The following MANBA variants were observed in gnomAD, a reference collection of about 807,000 sequenced individuals.
MANBA encodes the protein beta-mannosidase.
Under a neutral mutation model 111.1 loss-of-function variants are expected in MANBA, and 83 were observed. The ratio of observed to expected loss-of-function variants is 0.75; its 90% CI spans 0.63 to 0.90. The LOEUF is 0.90. MANBA is among the 40% of genes least tolerant of loss of function. The pLI, the probability that MANBA is intolerant of heterozygous loss-of-function variation, is 0.00. For synonymous variants in MANBA, 370 were observed against 378.7 expected (o/e 0.98, Z 0.27); for missense variants, 1,036 against 1,069.0 (o/e 0.97, Z 0.43).
At chr4:102,754,616 G>A (rs1723936759) in intron 1 of MANBA, among the ~76,000 whole-genome samples, 1 of 151,726 alleles carries the variant, frequency 6.6e-6, no homozygotes, top group Non-Finnish European at 1.5e-5. Flanking sequence ...GAGTGCAGTG[G>A]CGTGATCTTG....
rs374780227 is a variant in MANBA at position 102,652,677 on chromosome 4, G to A, written c.1705-1976C>T. The stretch of plus-strand genomic sequence containing the variant: ...AGGCTGAGGTGGGAGGATTGCTTGA[G>A]CCCAGGAGTTCAAGACCAGCCTGGA... On this transcript the variant is annotated intron_variant, in intron 12 of 16. Transcript: ENST00000647097. 3.9e-5 allele frequency among the ~76,000 whole-genome samples: 6 copies of A among 152,128 alleles called. No individual in the cohort carries two copies. The South Asian group carries it at 6.2e-4, about 16-fold the overall frequency.
chr4:102,725,940 A>T (rs1158018281), intron 2 of MANBA, among the ~76,000 whole-genome samples: 1 of 152,198 alleles, frequency 6.6e-6, no homozygotes, highest in Non-Finnish European at 1.5e-5. Flanking sequence ...TAAGGGGGAA[A>T]ATCAATTGGA....
chr4:102,734,757 C>G, intron 1 of MANBA: 2 of 595,098 alleles, frequency 3.4e-6, no homozygotes, highest in East Asian at 2.9e-5. Flanking sequence ...GAGATCTAGA[C>G]AGTCATGACA....
At chr4:102,727,578 T>G in intron 1 of MANBA, 1 of 1,606,256 alleles carries the variant, frequency 6.2e-7, no homozygotes. Context: ...ACGAGAGCAA[T>G]GGGTAATTGA....
chr4:102,707,839 T>A (rs1473959523), intron 5 of MANBA, among the ~76,000 whole-genome samples: 1 of 151,906 alleles, frequency 6.6e-6, no homozygotes, highest in Admixed American at 6.6e-5. Flanking sequence ...CAAATGGAAA[T>A]AAAAATGAGC....
chr4:102,675,998 A>T (rs964392772), intron 7 of MANBA, among the ~76,000 whole-genome samples: 41 of 152,160 alleles, frequency 2.7e-4, no homozygotes, highest in African/African-American at 8.9e-4. Flanking sequence ...TTACCTTCTC[A>T]ACCTATAACT....
At chr4:102,668,927 T>C (rs763152548) in intron 10 of MANBA, 36 bp downstream of exon 10, 2 of 1,512,502 alleles carry the variant, frequency 1.3e-6, no homozygotes, top group Non-Finnish European at 1.8e-6. Context: ...AAACATATTA[T>C]TTGTTTTATT....
intron 4 of MANBA, among the ~76,000 whole-genome samples, chr4:102,718,987 G>A (rs1722459882): frequency 6.6e-6 from 1 of 152,182 alleles, no homozygotes; most frequent in Non-Finnish European, 1.5e-5. Flanking sequence ...ACTGATGACA[G>A]TCTATGTCCC....
At chr4:102,698,456 C>T (rs1242117111) in intron 5 of MANBA, among the ~76,000 whole-genome samples, 1 of 148,670 alleles carries the variant, frequency 6.7e-6, no homozygotes, top group African/African-American at 2.5e-5. Context: ...AATGGTAATG[C>T]CTAGGTTTTC....
chr4:102,687,791 A>C (rs967194345), intron 7 of MANBA, among the ~76,000 whole-genome samples: 8 of 152,134 alleles, frequency 5.3e-5, no homozygotes, highest in African/African-American at 1.9e-4. Context: ...AAACAGAAAC[A>C]GTGTCTTAGT....
chr4:102,675,763 C>T (rs555540109), intron 7 of MANBA, among the ~76,000 whole-genome samples: 225 of 152,146 alleles, frequency 1.5e-3, no homozygotes, highest in Non-Finnish European at 2.7e-3. Context: ...GATTAGAAGG[C>T]TTACCTTCTC....
chr4:102,700,789 A>C (rs1005045391), intron 5 of MANBA, among the ~76,000 whole-genome samples: 1 of 152,124 alleles, frequency 6.6e-6, no homozygotes, highest in Non-Finnish European at 1.5e-5. Flanking sequence ...CTATGTGGTC[A>C]ATTTTGGAAT....
chr4:102,645,220 T>C (rs1277829502), intron 13 of MANBA, among the ~76,000 whole-genome samples: 1 of 152,118 alleles, frequency 6.6e-6, no homozygotes, highest in African/African-American at 2.4e-5. Flanking sequence ...CACATAGTTA[T>C]GCTATATAAT....
intron 12 of MANBA, among the ~76,000 whole-genome samples, chr4:102,656,474 G>C (rs997630753): frequency 6.6e-6 from 1 of 152,160 alleles, no homozygotes; most frequent in Admixed American, 6.5e-5. Flanking sequence ...ATCCCTTGCT[G>C]GTAGAAATGC....
At chr4:102,731,465 G>T (rs1427562039) in intron 1 of MANBA, among the ~76,000 whole-genome samples, 2 of 152,202 alleles carry the variant, frequency 1.3e-5, no homozygotes, top group Non-Finnish European at 2.9e-5. Context: ...TCTCTACAGA[G>T]AATACACAGG....
chr4:102,655,767 A>G (rs1730532225), intron 12 of MANBA, among the ~76,000 whole-genome samples: 1 of 152,214 alleles, frequency 6.6e-6, no homozygotes, highest in Non-Finnish European at 1.5e-5. Context: ...GCAACACCAA[A>G]AAGAACAGAT....
intron 4 of MANBA, 87 bp downstream of exon 4, chr4:102,722,784 T>C: frequency 2.9e-6 from 4 of 1,356,342 alleles, no homozygotes; most frequent in Non-Finnish European, 4.2e-6. Flanking sequence ...ACTTCTGAAA[T>C]GCCATGGGAG....
intron 16 of MANBA, among the ~76,000 whole-genome samples, chr4:102,632,862 G>C (rs2866406): frequency 6.6e-6 from 1 of 152,010 alleles, no homozygotes; most frequent in African/African-American, 2.4e-5. Context: ...AATTTAAATC[G>C]TGTTGGCTCC....
At chr4:102,676,650 T>G (rs1270854878) in intron 7 of MANBA, among the ~76,000 whole-genome samples, 2 of 152,222 alleles carry the variant, frequency 1.3e-5, no homozygotes, top group Admixed American at 6.5e-5. Context: ...CTTGCCAGTT[T>G]GCCTGTATTT....
Sources: allele counts gnomAD v4.1 joint callset (sites outside exome capture counted in the v4.1 genomes callset), GRCh38; gene constraint gnomAD v4.1.1; transcripts MANE v1.5; gene names NCBI Gene and HGNC (gene_info 2026-07-23, HGNC 2026-07-21).